The following LILRB5 variants were observed in gnomAD, a reference collection of about 807,000 sequenced individuals.
LILRB5 encodes the protein leukocyte immunoglobulin like receptor B5.
A neutral mutation model predicts 68.4 loss-of-function variants in LILRB5; 61 were observed. The ratio of observed to expected loss-of-function variants is 0.89; its 90% CI spans 0.73 to 1.10. The LOEUF (loss-of-function observed/expected upper bound fraction) is 1.10. Ranked by LOEUF, LILRB5 falls within the 50% of genes least tolerant of loss-of-function variation. The pLI is 0.00. For missense variants in LILRB5, 771 were observed against 751.6 expected (o/e 1.03, Z -0.30); for synonymous variants, 356 against 315.8 (o/e 1.13, Z -1.35).
chr19:54,251,040 C>T, intron 12 of LILRB5, 108 bp from the exon 13 acceptor site: 17 of 1,604,524 alleles, frequency 1.1e-5, no homozygotes, highest in Non-Finnish European at 1.4e-5. Flanking sequence ...TCCTCTTCTG[C>T]CTGTCTGTCC....
Position 54,249,467 on chromosome 19 carries a change from T to G in LILRB5, c.*1319A>C, listed in dbSNP as rs952431888. The G allele has an allele frequency of 1.3e-5, 2 of 152,144 alleles. No individual in the cohort carries two copies. The highest frequency in any genetic ancestry group is 4.8e-5 in the African/African-American group (2 of 41,430). The allele number at this position is 152,144 out of a possible 1,614,324, so 9.4% of individuals were successfully genotyped here. A position where few individuals can be genotyped will look rare whatever the true frequency, so the allele number is the denominator to read the frequency against. On this transcript the variant is annotated 3_prime_UTR_variant, in exon 13 of 13. Coordinates refer to ENST00000449561, the MANE Select transcript of LILRB5 (RefSeq NM_001081442.3). ...GATTTAATGAACACAATCAAAATAC[T>G]CATTCCTTCGAGGACAAGACACAGT... is the stretch of plus-strand genomic sequence containing the variant.
At chr19:54,255,693 T>TCTCG in intron 4 of LILRB5, 111 bp from the exon 5 acceptor site, 1 of 1,301,080 alleles carries the variant, frequency 7.7e-7, no homozygotes, top group Non-Finnish European at 1.0e-6. Context: ...ACGCTCTGTG[T>TCTCG]CTCGGATCCC....
At chr19:54,253,406 A>C in intron 8 of LILRB5, 1 of 201,432 alleles carries the variant, frequency 5.0e-6, no homozygotes, top group South Asian at 8.4e-5. Context: ...CATTGCTCTC[A>C]CTCCCAGCTC....
At position 54,250,569 on chromosome 19, in the gene LILRB5, A is replaced by T; in HGVS notation, c.*217T>A. On this transcript the variant is annotated 3_prime_UTR_variant, in exon 13 of 13. Coordinates refer to ENST00000449561, the MANE Select transcript of LILRB5 (RefSeq NM_001081442.3). ...TTCAGTTTTCTCAGCTCATTGATTT[A>T]TTGAGAAGTCTGTGGCTTCATTTCA... 1 of 573,408 alleles carries T rather than the reference A, an allele frequency of 1.7e-6. No homozygotes were observed. Among genetic ancestry groups the T allele is most frequent in the South Asian group, 2.6e-5 (1 of 39,078 alleles). 35.5% of individuals were successfully genotyped at this position (573,408 alleles called of 1,614,324 possible). A position where few individuals can be genotyped will look rare whatever the true frequency, so the allele number is the denominator to read the frequency against.
At position 54,252,873 on chromosome 19, in the gene LILRB5, G is replaced by T. The variant is rs773967459; in HGVS notation, c.1472C>A (p.Ser491Ter). 6.2e-7 allele frequency: 1 copy of T among 1,603,414 alleles called. No homozygotes were observed. Among genetic ancestry groups the T allele is most frequent in the Non-Finnish European group, 8.5e-7 (1 of 1,173,362 alleles). ...GGGTTCCCCCATTCCCTACTCACCC[G>T]ATGTCCTGTGTTTGCTCTGATGCCG... ...RHRHQSKHRT[S>*]AHFYRPAGAA... Residue 491 changes from serine to a stop codon, truncating the protein, a stop_gained and splice_region_variant, in exon 9 of 13, where the codon TCG (serine) becomes TAG (stop). Transcript: ENST00000449561. LOFTEE classifies it high-confidence loss of function.
Position 54,250,509 on chromosome 19 carries a change from A to C in LILRB5, c.*277T>G. Reference sequence around the variant, plus strand: ...TCATTTAATGTGTAATATTTACATTATCATTCCAAATTTATACCATGCTCT... The same window carrying C: ...TCATTTAATGTGTAATATTTACATTCTCATTCCAAATTTATACCATGCTCT... On this transcript the variant is annotated 3_prime_UTR_variant, in exon 13 of 13. Coordinates refer to ENST00000449561, the MANE Select transcript of LILRB5 (RefSeq NM_001081442.3). The C allele has an allele frequency of 2.2e-6, 1 of 464,318 alleles. No homozygotes were observed. The highest frequency in any genetic ancestry group is 3.8e-6 in the Non-Finnish European group (1 of 263,908). The allele number at this position is 464,318 out of a possible 1,614,324, so 28.8% of individuals were successfully genotyped here. A position where few individuals can be genotyped will look rare whatever the true frequency, so the allele number is the denominator to read the frequency against.
rs368967628 is a variant in LILRB5 at position 54,256,051 on chromosome 19, A to G, written c.647T>C (p.Leu216Pro). ...TGTGGTGGCTTTTTCACCTGGGACCAGAATCTCCAGGAGGTCACTGGGGTT... is the reference window on the plus strand; with the variant it reads ...TGTGGTGGCTTTTTCACCTGGGACCGGAATCTCCAGGAGGTCACTGGGGTT... ...WSNPSDLLEILVPGVSRKPSL... is the reference protein window; with the variant it reads ...WSNPSDLLEIPVPGVSRKPSL... Residue 216 changes from leucine to proline, a missense_variant, in exon 4 of 13, where the codon CTG (leucine) becomes CCG (proline). Leu to Pro is a moderately conservative substitution (Grantham distance 98). Coordinates refer to ENST00000449561, the MANE Select transcript of LILRB5 (RefSeq NM_001081442.3). The G allele has an allele frequency of 9.0e-5, 139 of 1,538,118 alleles. No individual in the cohort carries two copies. The highest frequency in any genetic ancestry group is 1.8e-4 in the Middle Eastern group (1 of 5,698).
chr19:54,256,418 A>G, intron 3 of LILRB5, 71 bp downstream of exon 3: 1 of 1,594,542 alleles, frequency 6.3e-7, no homozygotes, highest in Non-Finnish European at 8.6e-7. Context: ...TGTGAGAGGT[A>G]GACGTCCCTA....
rs1384441493 is a variant in LILRB5 at position 54,252,106 on chromosome 19, T to A, written c.1577A>T (p.Asn526Ile). The change falls in exon 12 of 13, where the codon AAT (asparagine) becomes ATT (isoleucine). Residue 526 changes from asparagine to isoleucine, a missense_variant and splice_region_variant. Coordinates refer to ENST00000449561, the MANE Select transcript of LILRB5 (RefSeq NM_001081442.3). ...GGGCTGTGTGTCCTTCACGGCAGCA[T>A]CTGCTGGGCCAGAGCAAGGGGTTCA... ...PVADIQEEIL[N>I]AAVKDTQPKD... 6.2e-7 allele frequency: 1 copy of A among 1,613,944 alleles called. No individual in the cohort carries two copies. The highest frequency in any genetic ancestry group is 1.3e-5 in the African/African-American group (1 of 74,914).
chr19:54,257,183 G>T lies in LILRB5; in HGVS notation c.11C>A (p.Thr4Asn). MTL[T>N]LSVLICLGLS... ...ACCGAGGCAAATCAGGACTGAGAGG[G>T]TGAGGGTCATGGCGTCAGCTCCCAC... Residue 4 changes from threonine to asparagine, a missense_variant, in exon 1 of 13, where the codon ACC becomes AAC. Physicochemically the swap from Thr to Asn is moderately conservative, Grantham distance 65. Transcript: ENST00000449561. 1 of 1,614,240 alleles carries T rather than the reference G, an allele frequency of 6.2e-7. No individual in the cohort carries two copies. The highest frequency in any genetic ancestry group is 8.5e-7 in the Non-Finnish European group (1 of 1,180,032).
Position 54,252,048 on chromosome 19 carries a change from C to G in LILRB5, c.1629+6G>C, listed in dbSNP as rs12977057. On this transcript the variant is annotated splice_donor_region_variant and intron_variant, in intron 12 of 12. Transcript: ENST00000449561. Reference sequence around the variant, plus strand: ...TTTGGTGCCCGGGACAGGGGCGGGGCCTCACCGGAGCATCCATCTCCACCC... The same window carrying G: ...TTTGGTGCCCGGGACAGGGGCGGGGGCTCACCGGAGCATCCATCTCCACCC... 1.2e-6 allele frequency: 2 copies of G among 1,612,700 alleles called. No homozygotes were observed. Among genetic ancestry groups the G allele is most frequent in the South Asian group, 2.2e-5 (2 of 91,008 alleles).
Position 54,256,586 on chromosome 19 carries a change from T to G in LILRB5, c.258A>C (p.Pro86=). Residue 86 remains proline (P), a synonymous_variant, in exon 3 of 13, where the codon CCA becomes CCC. Transcript: ENST00000449561. ...GCCCTGCACTGTCATACACCGTGGA[T>G]GGAATGTGGAACTTGGCCTTGGCTC... is the stretch of plus-strand genomic sequence containing the variant. The part of the protein sequence containing the change: ...EPGAKAKFHI[P]STVYDSAGRY... 1 of 1,614,094 alleles carries G rather than the reference T, an allele frequency of 6.2e-7. No individual in the cohort carries two copies. Among genetic ancestry groups the G allele is most frequent in the South Asian group, 1.1e-5 (1 of 91,084 alleles).
intron 8 of LILRB5, chr19:54,253,260 T>G (rs2079018721): frequency 4.3e-6 from 1 of 232,526 alleles, no homozygotes; most frequent in South Asian, 4.8e-5. Flanking sequence ...CCCCACCAGG[T>G]GCACACCTGT....
In LILRB5 at chr19:54,256,667, A is replaced by G. The variant is rs1044013014; in HGVS notation, c.177T>C (p.Arg59=). 3.1e-6 allele frequency: 5 copies of G among 1,613,850 alleles called. No individual in the cohort carries two copies. In the Admixed American group the frequency reaches 8.3e-5, roughly 27 times the overall value. ...CQGPLETEEY[R]LDKEGLPWAR... ...CCCATGGGAGTCCCTCCTTATCCAG[A>G]CGGTACTCCTCAGTCTCCAGGGGCC... Residue 59 remains arginine (R), a synonymous_variant, in exon 3 of 13, where the codon CGT becomes CGC. Coordinates refer to ENST00000449561, the MANE Select transcript of LILRB5 (RefSeq NM_001081442.3).
chr19:54,252,431 G>T, intron 10 of LILRB5, 28 bp from the exon 11 acceptor site: 1 of 1,614,078 alleles, frequency 6.2e-7, no homozygotes, highest in Non-Finnish European at 8.5e-7. Flanking sequence ...AGTGTGAGGG[G>T]CAGTGAGGGG....
At position 54,253,387 on chromosome 19, in the gene LILRB5, C is replaced by T. The variant is rs572798620; in HGVS notation, c.1358-400G>A. The T allele has an allele frequency of 2.6e-4, 54 of 206,286 alleles. 1 individual carries two copies. Among genetic ancestry groups the T allele is most frequent in the African/African-American group, 9.7e-4 (42 of 43,184 alleles). 12.8% of individuals were successfully genotyped at this position (206,286 alleles called of 1,614,324 possible). A position where few individuals can be genotyped will look rare whatever the true frequency, so the allele number is the denominator to read the frequency against. On this transcript the variant is annotated intron_variant, in intron 8 of 12. Coordinates refer to ENST00000449561, the MANE Select transcript of LILRB5 (RefSeq NM_001081442.3). ...GGGAGAGGGAGTGGGTTGTGCAGGA[C>T]GGACCCTGCATTGCTCTCACTCCCA...
rs148009264 is a variant in LILRB5 at position 54,252,910 on chromosome 19, G to C, written c.1435C>G (p.Leu479Val). Reference sequence around the variant, plus strand: ...TTGCTCTGATGCCGATGTCGGAGGAGGAGGAAGAGGAGGAGGAACAGCAGC... The same window carrying C: ...TTGCTCTGATGCCGATGTCGGAGGACGAGGAAGAGGAGGAGGAACAGCAGC... Reference protein sequence around the residue: ...VLLLFLLLFLLLRHRHQSKHR... With the variant: ...VLLLFLLLFLVLRHRHQSKHR... Residue 479 changes from leucine (L) to valine (V), a missense_variant, in exon 9 of 13, where the codon CTC becomes GTC. Transcript: ENST00000449561. 5 of 1,595,026 alleles carry C rather than the reference G, an allele frequency of 3.1e-6. No individual in the cohort carries two copies. In the African/African-American group the frequency reaches 5.4e-5, roughly 17 times the overall value.
rs2078905477 is a variant in LILRB5 at position 54,250,453 on chromosome 19, T to G, written c.*333A>C. The stretch of plus-strand genomic sequence containing the variant: ...TACGTAGGTTTTATTCTTTTCTAAT[T>G]CATTCGCTCATTTGTAGTTTTCCGA... On this transcript the variant is annotated 3_prime_UTR_variant, in exon 13 of 13. Transcript: ENST00000449561. 3.4e-6 allele frequency: 1 copy of G among 293,444 alleles called. No individual in the cohort carries two copies. Among genetic ancestry groups the G allele is most frequent in the African/African-American group, 2.2e-5 (1 of 46,212 alleles). The allele number at this position is 293,444 out of a possible 1,614,324, so 18.2% of individuals were successfully genotyped here. A position where few individuals can be genotyped will look rare whatever the true frequency, so the allele number is the denominator to read the frequency against.
chr19:54,253,647 T>C (rs2079028961), intron 8 of LILRB5: 1 of 593,494 alleles, frequency 1.7e-6, no homozygotes, highest in Non-Finnish European at 3.0e-6. Context: ...GAGTAGAAAG[T>C]TGACCTGCCT....
Sources: allele counts gnomAD v4.1 joint callset, GRCh38; gene constraint gnomAD v4.1.1; transcripts MANE v1.5; gene names NCBI Gene and HGNC (gene_info 2026-07-23, HGNC 2026-07-21).